The following GALNT13 variants were observed in gnomAD, a reference collection of about 807,000 sequenced individuals.
GALNT13 encodes the protein polypeptide N-acetylgalactosaminyltransferase 13.
A neutral mutation model predicts 64.2 loss-of-function variants in GALNT13; 28 were observed. The observed-to-expected ratio is 0.44, with a 90% CI of 0.32 to 0.60. The LOEUF (loss-of-function observed/expected upper bound fraction) is 0.60, where lower values mean the gene tolerates loss of function less well. Ranked by LOEUF, GALNT13 falls within the 20% of genes least tolerant of loss-of-function variation. The pLI, the probability that GALNT13 is intolerant of heterozygous loss-of-function variation, is 0.05. For synonymous variants in GALNT13, 214 were observed against 224.6 expected (o/e 0.95, Z 0.42); for missense variants, 577 against 669.8 (o/e 0.86, Z 1.53).
At chr2:153,652,688 A>C in the GALNT13 span, among the ~76,000 whole-genome samples, 1 of 152,148 alleles carries the variant, frequency 6.6e-6, no homozygotes, top group African/African-American at 2.4e-5. Flanking sequence ...CCTTGCTGTT[A>C]GTTTGAAAAT....
chr2:153,345,721 CCTT>C, the GALNT13 span, among the ~76,000 whole-genome samples: 1 of 108,260 alleles, frequency 9.2e-6, no homozygotes, highest in Non-Finnish European at 1.8e-5. Context: ...CTCTTTCTGT[CCTT>C]CCTTCCTTCC....
At chr2:154,189,347 T>G (rs1031300741) in intron 4 of GALNT13, among the ~76,000 whole-genome samples, 2 of 152,020 alleles carry the variant, frequency 1.3e-5, no homozygotes, top group Non-Finnish European at 2.9e-5. Flanking sequence ...GTCACTGTAT[T>G]TGGAGATGGA....
intron 9 of GALNT13, among the ~76,000 whole-genome samples, chr2:154,333,279 G>A (rs1162116873): frequency 6.6e-6 from 1 of 151,902 alleles, no homozygotes; most frequent in Non-Finnish European, 1.5e-5. Flanking sequence ...ATATATAAAT[G>A]TATACATATA....
chr2:154,363,456 A>G (rs1270179847), intron 9 of GALNT13, among the ~76,000 whole-genome samples: 1 of 152,182 alleles, frequency 6.6e-6, no homozygotes, highest in Non-Finnish European at 1.5e-5. Flanking sequence ...AGTTATCTCC[A>G]TCAATCCATC....
upstream of GALNT13, among the ~76,000 whole-genome samples, chr2:153,867,694 T>C (rs1369883145): frequency 1.3e-5 from 2 of 151,964 alleles, no homozygotes; most frequent in Non-Finnish European, 2.9e-5. Context: ...CCTCGGCTTG[T>C]ATTCCTGCAA....
intron 3 of GALNT13, among the ~76,000 whole-genome samples, chr2:154,079,756 A>G (rs539642583): frequency 1.3e-5 from 2 of 151,726 alleles, no homozygotes; most frequent in South Asian, 2.1e-4. Flanking sequence ...ATATTTTTGA[A>G]ATACAAAAAA....
At chr2:154,234,814 T>C (rs1246618569) in intron 4 of GALNT13, among the ~76,000 whole-genome samples, 1 of 152,124 alleles carries the variant, frequency 6.6e-6, no homozygotes, top group Non-Finnish European at 1.5e-5. Flanking sequence ...TGCAGAATGC[T>C]AGATTCTGGA....
the GALNT13 span, among the ~76,000 whole-genome samples, chr2:153,442,826 G>A: frequency 3.3e-5 from 5 of 152,130 alleles, no homozygotes; most frequent in African/African-American, 1.2e-4. Flanking sequence ...TGAACTTCCC[G>A]AGTGGCTTTG....
At chr2:153,550,541 T>C in the GALNT13 span, among the ~76,000 whole-genome samples, 1 of 152,130 alleles carries the variant, frequency 6.6e-6, no homozygotes, top group Non-Finnish European at 1.5e-5. Flanking sequence ...GCTTAACTTT[T>C]GATTTTGCTG....
chr2:154,264,358 A>G (rs1373909766), intron 8 of GALNT13, among the ~76,000 whole-genome samples: 1 of 151,848 alleles, frequency 6.6e-6, no homozygotes, highest in Non-Finnish European at 1.5e-5. Context: ...GTGGTGGCTC[A>G]TGCCTGTAAT....
chr2:153,690,223 T>C, the GALNT13 span, among the ~76,000 whole-genome samples: 1 of 152,166 alleles, frequency 6.6e-6, no homozygotes, highest in South Asian at 2.1e-4. Flanking sequence ...TCTGTGCCTT[T>C]CAATTGTCTA....
At chr2:153,363,075 GA>G in the GALNT13 span, among the ~76,000 whole-genome samples, 1 of 152,104 alleles carries the variant, frequency 6.6e-6, no homozygotes, top group African/African-American at 2.4e-5. Flanking sequence ...TCAGGATTCA[GA>G]AACTCACTTA....
At chr2:154,152,884 C>A (rs1480328162) in intron 4 of GALNT13, among the ~76,000 whole-genome samples, 1 of 152,122 alleles carries the variant, frequency 6.6e-6, no homozygotes, top group African/African-American at 2.4e-5. Flanking sequence ...GAATTTCCTC[C>A]TGTAGGTTGG....
the GALNT13 span, among the ~76,000 whole-genome samples, chr2:153,082,573 TTATATATATATATATATA>T: frequency 4.0e-3 from 164 of 40,562 alleles, 3 homozygotes; most frequent in Middle Eastern, 0.025. Context: ...TTAGGCTGGT[TTATATATATATATATATA>T]TATATATATA....
At chr2:153,371,729 T>G in the GALNT13 span, among the ~76,000 whole-genome samples, 1 of 152,198 alleles carries the variant, frequency 6.6e-6, no homozygotes, top group Non-Finnish European at 1.5e-5. Flanking sequence ...CTTAATTTGA[T>G]TGAAAAAATT....
intron 1 of GALNT13, among the ~76,000 whole-genome samples, chr2:153,874,521 T>C (rs1373039013): frequency 6.6e-6 from 1 of 152,038 alleles, no homozygotes; most frequent in Non-Finnish European, 1.5e-5. Flanking sequence ...GTTCGGAAAG[T>C]CCTGAGTGGG....
At chr2:154,455,190 A>C (rs1165111121), downstream of GALNT13, among the ~76,000 whole-genome samples, 1 of 152,186 alleles carries the variant, frequency 6.6e-6, no homozygotes, top group Non-Finnish European at 1.5e-5. Flanking sequence ...GGTTAGGATC[A>C]TATTCTGAAT....
chr2:154,269,228 A>G (rs1275048719), intron 8 of GALNT13, among the ~76,000 whole-genome samples: 1 of 152,118 alleles, frequency 6.6e-6, no homozygotes, highest in Non-Finnish European at 1.5e-5. Flanking sequence ...AAAAATACTT[A>G]AAGAAAGTAA....
the GALNT13 span, among the ~76,000 whole-genome samples, chr2:153,260,218 T>C: frequency 6.6e-6 from 1 of 152,244 alleles, no homozygotes; most frequent in South Asian, 2.1e-4. Context: ...TTAGTCTTTC[T>C]ACTTAAGATA....
Sources: gnomAD v4.1 joint callset for allele counts (sites outside exome capture counted in the v4.1 genomes callset) on GRCh38, gnomAD v4.1.1 for gene constraint, MANE v1.5 for transcripts, NCBI Gene and HGNC (gene_info 2026-07-23, HGNC 2026-07-21) for gene names.